Variants in LSAMP observed in about 807,000 individuals in gnomAD.
The protein encoded by LSAMP is limbic system-associated membrane protein.
Under a neutral mutation model 38.6 loss-of-function variants are expected in LSAMP, and 7 were observed. The ratio of observed to expected loss-of-function variants is 0.18; its 90% confidence interval spans 0.10 to 0.34. The LOEUF (loss-of-function observed/expected upper bound fraction) is 0.34. Ranked by LOEUF, LSAMP falls within the 10% of genes least tolerant of loss-of-function variation. The pLI, the probability that LSAMP is intolerant of heterozygous loss-of-function variation, is 1.00. For synonymous variants in LSAMP, 154 were observed against 166.8 expected (o/e 0.92, Z 0.59); for missense variants, 313 against 420.0 (o/e 0.75, Z 2.23).
chr3:115,899,561 A>G (rs1172088266), intron 3 of LSAMP, among the ~76,000 whole-genome samples: 6 of 152,280 alleles, frequency 3.9e-5, no homozygotes, highest in Non-Finnish European at 8.8e-5. Flanking sequence ...TTGGAACACA[A>G]TGAGTATTCA....
intron 1 of LSAMP, among the ~76,000 whole-genome samples, chr3:116,172,766 T>G (rs1710233405): frequency 6.6e-6 from 1 of 152,024 alleles, no homozygotes; most frequent in African/African-American, 2.4e-5. Context: ...GCTTTCAGAA[T>G]CATTAGTGTA....
chr3:116,210,357 G>A (rs983117342), intron 1 of LSAMP, among the ~76,000 whole-genome samples: 10 of 152,156 alleles, frequency 6.6e-5, no homozygotes, highest in East Asian at 1.9e-4. Flanking sequence ...CTGCCAGTGC[G>A]GCTTGAATAA....
rs752859898 is a variant in LSAMP at position 116,439,311 on chromosome 3, A to ATT, written c.155+5564_155+5565dup. Among the ~76,000 whole-genome samples, 62 of 130,780 alleles carry ATT rather than the reference A, an allele frequency of 4.7e-4. 2 individuals carry two copies. The highest frequency in any genetic ancestry group is 1.0e-3 in the South Asian group (4 of 3,848). 85.8% of individuals were successfully genotyped at this position (130,780 alleles called of 152,430 possible). A position where few individuals can be genotyped will look rare whatever the true frequency, so the allele number is the denominator to read the frequency against. ...TAGTCCCTCCAGCATAGGTCCTGAG[A>ATT]TTTTGTTGTTTTTTTTTTTTAATGC... On this transcript the variant is annotated intron_variant, in intron 1 of 6. Transcript: ENST00000490035.
chr3:116,387,795 T>C (rs371554137), intron 1 of LSAMP, among the ~76,000 whole-genome samples: 1 of 152,086 alleles, frequency 6.6e-6, no homozygotes, highest in African/African-American at 2.4e-5. Flanking sequence ...TTTGATGTAA[T>C]TGAAAATATC....
rs537236040 is a variant in LSAMP, at chr3:116,266,817, A to G, written c.155+178060T>C. 1.5e-3 allele frequency among the ~76,000 whole-genome samples: 230 copies of G among 152,296 alleles called. 2 individuals carry two copies. The highest frequency in any genetic ancestry group is 5.1e-3 in the African/African-American group (213 of 41,576). On this transcript the variant is annotated intron_variant, in intron 1 of 6. Transcript: ENST00000490035. ...ATATATGATTAGTCTGTGAGAAAAAATATTACAAAGCGTAAACAGGAATGT... is the reference window on the plus strand; with the variant it reads ...ATATATGATTAGTCTGTGAGAAAAAGTATTACAAAGCGTAAACAGGAATGT...
intron 1 of LSAMP, among the ~76,000 whole-genome samples, chr3:116,100,218 A>C (rs1708316003): frequency 6.6e-6 from 1 of 151,874 alleles, no homozygotes; most frequent in Non-Finnish European, 1.5e-5. Flanking sequence ...AGTAGCTGGG[A>C]ATACAGGTGC....
intron 3 of LSAMP, among the ~76,000 whole-genome samples, chr3:115,982,387 A>C (rs550897457): frequency 2.6e-5 from 4 of 152,224 alleles, no homozygotes; most frequent in Non-Finnish European, 5.9e-5. Context: ...CTGGATGCCT[A>C]TTAGTCCACA....
intron 3 of LSAMP, among the ~76,000 whole-genome samples, chr3:115,930,096 C>T (rs1392623114): frequency 7.9e-6 from 1 of 127,370 alleles, no homozygotes; most frequent in Non-Finnish European, 1.6e-5. Flanking sequence ...AAAGGATTAG[C>T]TATATAACCA....
intron 1 of LSAMP, among the ~76,000 whole-genome samples, chr3:116,121,929 A>G (rs558056947): frequency 7.4e-6 from 1 of 135,436 alleles, no homozygotes; most frequent in East Asian, 2.1e-4. Context: ...CAGTAGTGTT[A>G]GTGTATTTTA....
intron 6 of LSAMP, among the ~76,000 whole-genome samples, chr3:115,817,735 G>A (rs535369293): frequency 6.6e-6 from 1 of 152,160 alleles, no homozygotes; most frequent in East Asian, 1.9e-4. Flanking sequence ...CATGCTGCAA[G>A]TTCATACAAA....
chr3:116,407,725 G>A (rs1028552808), intron 1 of LSAMP, among the ~76,000 whole-genome samples: 1 of 151,978 alleles, frequency 6.6e-6, no homozygotes, highest in African/African-American at 2.4e-5. Flanking sequence ...GAATTTGCAT[G>A]TTAAAATTTG....
At chr3:115,931,766 C>T (rs1173441427) in intron 3 of LSAMP, among the ~76,000 whole-genome samples, 1 of 152,156 alleles carries the variant, frequency 6.6e-6, no homozygotes, top group Non-Finnish European at 1.5e-5. Flanking sequence ...TAACAGTAAT[C>T]CCATGAGGTA....
chr3:115,854,271 TTATTATTATTA>T (rs1404140468), intron 3 of LSAMP, among the ~76,000 whole-genome samples: 87 of 121,724 alleles, frequency 7.1e-4, no homozygotes, highest in African/African-American at 2.6e-3. Context: ...ATTATTATTA[TTATTATTATTA>T]TTTTTTTTTT....
chr3:116,320,972 C>G (rs2047699410), intron 1 of LSAMP, among the ~76,000 whole-genome samples: 1 of 152,164 alleles, frequency 6.6e-6, no homozygotes. Context: ...AAACATGTCC[C>G]TTACCCCTTT....
chr3:116,116,825 G>A (rs1006948538), intron 1 of LSAMP, among the ~76,000 whole-genome samples: 7 of 152,086 alleles, frequency 4.6e-5, no homozygotes, highest in African/African-American at 9.7e-5. Flanking sequence ...CGGTGAGGCC[G>A]CTGTACTACA....
intron 1 of LSAMP, among the ~76,000 whole-genome samples, chr3:116,184,448 C>G (rs74440526): frequency 2.0e-5 from 3 of 151,864 alleles, no homozygotes; most frequent in Non-Finnish European, 4.4e-5. Flanking sequence ...CATTTCAAGA[C>G]GGAATCTATA....
intron 3 of LSAMP, among the ~76,000 whole-genome samples, chr3:115,969,605 G>A (rs982707792): frequency 6.6e-6 from 1 of 152,100 alleles, no homozygotes; most frequent in African/African-American, 2.4e-5. Context: ...TTCCACCACT[G>A]CTACTACCTT....
intron 2 of LSAMP, among the ~76,000 whole-genome samples, chr3:116,075,244 C>A (rs1707712223): frequency 6.7e-6 from 1 of 149,236 alleles, no homozygotes; most frequent in South Asian, 2.1e-4. Context: ...TCAAGCAATT[C>A]TCTTGCGTCA....
intron 1 of LSAMP, among the ~76,000 whole-genome samples, chr3:116,117,518 T>C (rs1263188726): frequency 6.6e-6 from 1 of 152,186 alleles, no homozygotes; most frequent in Non-Finnish European, 1.5e-5. Flanking sequence ...CATACCTTAT[T>C]TACATTTTCA....
Sources: gnomAD v4.1 joint callset for allele counts (sites outside exome capture counted in the v4.1 genomes callset) on GRCh38, gnomAD v4.1.1 for gene constraint, MANE v1.5 for transcripts, NCBI Gene and HGNC (gene_info 2026-07-23, HGNC 2026-07-21) for gene names.